GFPT2: variants seen among roughly 807,000 people sequenced by gnomAD.
The protein encoded by GFPT2 is glutamine--fructose-6-phosphate aminotransferase [isomerizing] 2.
In GFPT2, 62 loss-of-function variants were observed where a neutral mutation model predicts 85.6. The ratio of observed to expected loss-of-function variants is 0.72; its 90% confidence interval spans 0.59 to 0.90. The LOEUF (loss-of-function observed/expected upper bound fraction) is 0.90, where lower values mean the gene tolerates loss of function less well. Among genes scored for constraint, GFPT2 ranks in the 40% least tolerant of loss-of-function variants. The pLI, the probability that GFPT2 is intolerant of heterozygous loss-of-function variation, is 0.00. For synonymous variants in GFPT2, 368 were observed against 344.5 expected, an observed-to-expected ratio of 1.07 and a Z score of -0.75; for missense variants, 788 against 893.4, an observed-to-expected ratio of 0.88 and a Z score of 1.50.
intron 17 of GFPT2, 120 bp from the exon 18 acceptor site, chr5:180,302,704 GGA>G (rs751864191): frequency 6.7e-4 from 479 of 713,700 alleles, no homozygotes; most frequent in Admixed American, 1.4e-3. Flanking sequence ...TGCATTTGCT[GGA>G]GTCATGGGTG....
intron 15 of GFPT2, 95 bp from the exon 16 acceptor site, chr5:180,307,398 G>A: frequency 8.1e-7 from 1 of 1,236,958 alleles, no homozygotes; most frequent in Non-Finnish European, 1.2e-6. Context: ...AGGAGCTTTT[G>A]AAACCGCATC....
intron 4 of GFPT2, 96 bp downstream of exon 4, chr5:180,335,732 G>A: frequency 7.8e-7 from 1 of 1,275,006 alleles, no homozygotes; most frequent in South Asian, 1.4e-5. Flanking sequence ...TGAGAAGTCA[G>A]TTAGAGGTGG....
intron 1 of GFPT2, among the ~76,000 whole-genome samples, chr5:180,345,416 C>T (rs1268695373): frequency 6.6e-6 from 1 of 152,274 alleles, no homozygotes. Flanking sequence ...TGCACAGGGA[C>T]CTCCCAAGCC....
At chr5:180,350,473 G>A (rs1477315052) in intron 1 of GFPT2, among the ~76,000 whole-genome samples, 2 of 152,168 alleles carry the variant, frequency 1.3e-5, no homozygotes, top group African/African-American at 2.4e-5. Flanking sequence ...TGCCCTGATC[G>A]GCATCCCGTC....
intron 9 of GFPT2, among the ~76,000 whole-genome samples, chr5:180,322,928 C>T (rs1289558779): frequency 6.6e-6 from 1 of 151,716 alleles, no homozygotes; most frequent in East Asian, 1.9e-4. Flanking sequence ...CCCAGCTACT[C>T]AGAGGCTGAG....
In GFPT2 at chr5:180,308,256, GA is replaced by G. The variant is rs1193861706; in HGVS notation, c.1547-954del. Among the ~76,000 whole-genome samples, 381 of 132,480 alleles carry G rather than the reference GA, an allele frequency of 2.9e-3. 3 individuals carry two copies. The highest frequency in any genetic ancestry group is 8.3e-3 in the African/African-American group (299 of 36,220). 86.9% of individuals were successfully genotyped at this position (132,480 alleles called of 152,430 possible). ...GGGCAACAGAGCGAGACTCCATCTC[GA>G]AAAAAAAAAAAGAAGAAAAAGAAAG... On this transcript the variant is annotated intron_variant, in intron 15 of 18. Coordinates refer to ENST00000253778, the MANE Select transcript of GFPT2 (RefSeq NM_005110.4).
rs1252116581 is a variant in GFPT2, at chr5:180,316,364, A to T, written c.1250T>A (p.Val417Asp). ...DRNTPVFRDD[V>D]CFFISQSGET... The stretch of plus-strand genomic sequence containing the variant: ...ACCTGACTGGCTGATGAAAAAGCAA[A>T]CGTCATCCCTGAACACAGGTGTGTT... The change falls in exon 13 of 19, where the codon GTT becomes GAT. Residue 417 changes from valine (V) to aspartate (D), a missense_variant. Physicochemically the swap from Val to Asp is radical, Grantham distance 152. Coordinates refer to ENST00000253778, the MANE Select transcript of GFPT2 (RefSeq NM_005110.4). The T allele has an allele frequency of 1.2e-6, 2 of 1,614,144 alleles. No individual in the cohort carries two copies. Among genetic ancestry groups the T allele is most frequent in the Non-Finnish European group, 1.7e-6 (2 of 1,179,982 alleles).
At chr5:180,353,034 C>T in intron 1 of GFPT2, 177 bp downstream of exon 1, 1 of 436,078 alleles carries the variant, frequency 2.3e-6, no homozygotes, top group Non-Finnish European at 3.8e-6. Context: ...ACTCGGGGAA[C>T]GCGGGTGAGG....
chr5:180,316,618 G>T, intron 12 of GFPT2, 146 bp downstream of exon 12: 1 of 917,612 alleles, frequency 1.1e-6, no homozygotes, highest in Non-Finnish European at 1.7e-6. Flanking sequence ...AAGATAAAAG[G>T]GCTCCGTGTC....
Position 180,345,325 on chromosome 5 carries a change from G to A in GFPT2, c.8-6725C>T, listed in dbSNP as rs143330006. ...AAGCAGTTCTCAGGCCCACAAGGCC[G>A]CGTTGCTGTACTAGGTGCTGCAAGC... On this transcript the variant is annotated intron_variant, in intron 1 of 18. Coordinates refer to ENST00000253778, the MANE Select transcript of GFPT2 (RefSeq NM_005110.4). Among the ~76,000 whole-genome samples, 799 of 152,400 alleles carry A rather than the reference G, an allele frequency of 5.2e-3. 5 individuals are homozygous for A. The highest frequency in any genetic ancestry group is 8.8e-3 in the Non-Finnish European group (600 of 68,042).
At chr5:180,346,530 T>C (rs1209156477) in intron 1 of GFPT2, among the ~76,000 whole-genome samples, 1 of 152,212 alleles carries the variant, frequency 6.6e-6, no homozygotes. Context: ...CTCTCTCGTC[T>C]TCTCTGCCCC....
At chr5:180,345,158 T>C (rs1043019703) in intron 1 of GFPT2, among the ~76,000 whole-genome samples, 1 of 152,266 alleles carries the variant, frequency 6.6e-6, no homozygotes, top group African/African-American at 2.4e-5. Flanking sequence ...AAATTATCCC[T>C]TGAGAGATTT....
In GFPT2 at chr5:180,321,611, G is replaced by A. The variant is rs148918097; in HGVS notation, c.794+2577C>T. Among the ~76,000 whole-genome samples the A allele has an allele frequency of 2.6e-3, 403 of 152,328 alleles. 6 individuals are homozygous for A. The highest frequency in any genetic ancestry group is 0.017 in the Middle Eastern group (5 of 294). ...CCGTGCCCCGCACACACTGGCCACC[G>A]TTGCCCAAAAGCTGGACAGTGTGCT... On this transcript the variant is annotated intron_variant, in intron 9 of 18. Coordinates refer to ENST00000253778, the MANE Select transcript of GFPT2 (RefSeq NM_005110.4).
chr5:180,351,974 G>A (rs181383455), intron 1 of GFPT2, among the ~76,000 whole-genome samples: 34 of 152,274 alleles, frequency 2.2e-4, no homozygotes, highest in African/African-American at 7.2e-4. Context: ...TGGACATCTG[G>A]CAAAACTACC....
intron 16 of GFPT2, among the ~76,000 whole-genome samples, chr5:180,306,521 C>G (rs1763781244): frequency 6.6e-6 from 1 of 152,248 alleles, no homozygotes; most frequent in East Asian, 1.9e-4. Flanking sequence ...CCCTGTGGCC[C>G]TGGCACCCTG....
Position 180,312,406 on chromosome 5 carries a change from G to A in GFPT2, c.1546+24C>T, listed in dbSNP as rs921033409. 5.8e-6 allele frequency: 7 copies of A among 1,205,666 alleles called. No individual in the cohort carries two copies. The African/African-American group carries it at 1.0e-4, about 18-fold the overall frequency. The allele number at this position is 1,205,666 out of a possible 1,614,324, so 74.7% of individuals were successfully genotyped here. A position where few individuals can be genotyped will look rare whatever the true frequency, so the allele number is the denominator to read the frequency against. ...AACAGTCCACTAGATCTGAAAACAT[G>A]GAAAGCTGAATTCTAGAACATACCA... On this transcript the variant is annotated intron_variant, in intron 15 of 18. Transcript: ENST00000253778.
chr5:180,325,492 G>T (rs1372498791), intron 7 of GFPT2, among the ~76,000 whole-genome samples: 1 of 152,170 alleles, frequency 6.6e-6, no homozygotes, highest in Admixed American at 6.5e-5. Flanking sequence ...TGGAAGTTTA[G>T]AATCTTCACC....
At chr5:180,353,081 G>A in intron 1 of GFPT2, 130 bp downstream of exon 1, 1 of 734,926 alleles carries the variant, frequency 1.4e-6, no homozygotes, top group Non-Finnish European at 1.9e-6. Context: ...CCCTCGGTAG[G>A]GGCCCGGGGC....
At chr5:180,315,336 C>T (rs531607763) in intron 13 of GFPT2, among the ~76,000 whole-genome samples, 2 of 152,122 alleles carry the variant, frequency 1.3e-5, no homozygotes, top group Non-Finnish European at 2.9e-5. Context: ...CGCCACCACG[C>T]CCGGCTAATT....
Sources: allele counts gnomAD v4.1 joint callset (sites outside exome capture counted in the v4.1 genomes callset), GRCh38; gene constraint gnomAD v4.1.1; transcripts MANE v1.5; gene names NCBI Gene and HGNC (gene_info 2026-07-23, HGNC 2026-07-21).